Variants in CYFIP1 observed in about 807,000 individuals in gnomAD.
The protein encoded by CYFIP1 is cytoplasmic FMR1-interacting protein 1.
Under a neutral mutation model 163.5 loss-of-function variants are expected in CYFIP1, and 58 were observed. The observed-to-expected ratio is 0.35, with a 90% CI of 0.29 to 0.44. The LOEUF is 0.44. Ranked by LOEUF, CYFIP1 falls within the 20% of genes least tolerant of loss-of-function variation. The pLI, the probability that CYFIP1 is intolerant of heterozygous loss-of-function variation, is 1.00. For synonymous variants in CYFIP1, 663 were observed against 660.7 expected (o/e 1.00, Z -0.05); for missense variants, 1,338 against 1,653.8 (o/e 0.81, Z 3.31).
intron 23 of CYFIP1, among the ~76,000 whole-genome samples, chr15:22,886,826 T>C (rs1377068464): frequency 6.6e-6 from 1 of 152,202 alleles, no homozygotes; most frequent in Non-Finnish European, 1.5e-5. Context: ...TCAGTTCTTT[T>C]CTACTGTTGC....
intron 8 of CYFIP1, 33 bp downstream of exon 8, chr15:22,939,144 AAGGCTGTCCCTCGGC>A (rs1284835942): frequency 6.2e-7 from 1 of 1,610,338 alleles, no homozygotes; most frequent in African/African-American, 1.3e-5. Flanking sequence ...TGACAAGAGT[AAGGCTGTCCCTCGGC>A]AGTGCCACGG....
intron 26 of CYFIP1, among the ~76,000 whole-genome samples, chr15:22,876,753 C>A (rs528589491): frequency 1.7e-4 from 26 of 152,094 alleles, no homozygotes; most frequent in Middle Eastern, 3.4e-3. Flanking sequence ...ATCACTTGAA[C>A]CCAGGAGGTA....
chr15:22,937,002 G>A (rs570507158), intron 9 of CYFIP1, 102 bp downstream of exon 9: 20 of 779,400 alleles, frequency 2.6e-5, no homozygotes, highest in Non-Finnish European at 3.7e-5. Context: ...CCCAGCCCCA[G>A]CGTTTCCTGA....
intron 1 of CYFIP1, among the ~76,000 whole-genome samples, chr15:22,968,902 A>T (rs909094507): frequency 5.3e-5 from 8 of 152,126 alleles, no homozygotes; most frequent in African/African-American, 1.9e-4. Flanking sequence ...TTGGACAGGG[A>T]TTCAAATGTA....
At chr15:22,886,437 A>C (rs114539040) in intron 23 of CYFIP1, among the ~76,000 whole-genome samples, 1 of 152,200 alleles carries the variant, frequency 6.6e-6, no homozygotes, top group Admixed American at 6.5e-5. Context: ...CGAATAATCA[A>C]ATCAAATAAA....
intron 20 of CYFIP1, 137 bp from the exon 21 acceptor site, chr15:22,909,450 C>G: frequency 1.0e-6 from 1 of 983,552 alleles, no homozygotes. Context: ...AGACCCATCT[C>G]CCCACATACA....
intron 13 of CYFIP1, among the ~76,000 whole-genome samples, chr15:22,920,448 C>T (rs1389621729): frequency 6.6e-6 from 1 of 152,126 alleles, no homozygotes; most frequent in Non-Finnish European, 1.5e-5. Context: ...TTATTCACAC[C>T]TTTTGAGTTC....
intron 1 of CYFIP1, among the ~76,000 whole-genome samples, chr15:22,973,967 C>T (rs1377936133): frequency 6.6e-6 from 1 of 152,180 alleles, no homozygotes; most frequent in Admixed American, 6.5e-5. Flanking sequence ...ATCAAAACCA[C>T]AATGAGCTAT....
At chr15:22,885,169 T>C (rs976781104) in intron 23 of CYFIP1, among the ~76,000 whole-genome samples, 3 of 152,164 alleles carry the variant, frequency 2.0e-5, no homozygotes, top group African/African-American at 7.2e-5. Flanking sequence ...CTCCAGAAAA[T>C]GGGTTTTTCT....
chr15:22,914,659 G>T, intron 17 of CYFIP1, 67 bp downstream of exon 17: 1 of 1,490,080 alleles, frequency 6.7e-7, no homozygotes, highest in South Asian at 1.3e-5. Context: ...CGGCCTCTCC[G>T]CCACCTCCTC....
intron 10 of CYFIP1, among the ~76,000 whole-genome samples, chr15:22,933,189 G>C (rs2061594448): frequency 6.6e-6 from 1 of 151,888 alleles, no homozygotes; most frequent in Admixed American, 6.6e-5. Context: ...ACCCAGCACT[G>C]TCCAATAGGA....
chr15:22,893,273 C>T (rs1192987087), intron 22 of CYFIP1, among the ~76,000 whole-genome samples: 4 of 152,294 alleles, frequency 2.6e-5, no homozygotes, highest in African/African-American at 7.2e-5. Context: ...GGCTCTGCTG[C>T]GCTTCCAGAC....
rs1013883779 is a variant in CYFIP1, at chr15:22,868,752, C to G, written c.*1276G>C. On this transcript the variant is annotated 3_prime_UTR_variant, in exon 31 of 31. Transcript: ENST00000617928. The stretch of plus-strand genomic sequence containing the variant: ...AAGGCCTCCGGAAAAGTAGGCGAGG[C>G]CTGCTTTTTATGGCAACTTGGCATC... The G allele has an allele frequency of 2.6e-5, 4 of 152,136 alleles. No homozygotes were observed. Among genetic ancestry groups the G allele is most frequent in the African/African-American group, 9.7e-5 (4 of 41,418 alleles). 9.4% of individuals were successfully genotyped at this position (152,136 alleles called of 1,614,324 possible). A position where few individuals can be genotyped will look rare whatever the true frequency, so the allele number is the denominator to read the frequency against.
At chr15:22,975,441 CAAAAAAAAA>C (rs35556120) in intron 1 of CYFIP1, among the ~76,000 whole-genome samples, 2 of 71,352 alleles carry the variant, frequency 2.8e-5, no homozygotes, top group East Asian at 9.4e-4. Flanking sequence ...GACTCCGTCT[CAAAAAAAAA>C]AAAAAAAAAA....
intron 22 of CYFIP1, among the ~76,000 whole-genome samples, chr15:22,895,353 G>T (rs773276574): frequency 6.6e-6 from 1 of 152,092 alleles, no homozygotes; most frequent in Admixed American, 6.6e-5. Flanking sequence ...GTCTTGCCAC[G>T]TTGGCCAGGC....
chr15:22,887,106 G>A (rs1005214713), intron 23 of CYFIP1, among the ~76,000 whole-genome samples: 1 of 152,070 alleles, frequency 6.6e-6, no homozygotes. Flanking sequence ...TTCAGCCTCC[G>A]CCTGATCTGT....
chr15:22,946,777 T>G, intron 3 of CYFIP1: 1 of 678,890 alleles, frequency 1.5e-6, no homozygotes. Flanking sequence ...CTTGAAACGC[T>G]GACAAAGGTT....
chr15:22,927,961 A>G lies in CYFIP1; in HGVS notation c.1178T>C (p.Leu393Pro). Residue 393 changes from leucine to proline, a missense_variant, in exon 12 of 31, where the codon CTG becomes CCG. Physicochemically the swap from Leu to Pro is moderately conservative, Grantham distance 98. Around this residue, in one of 4 missense-constraint regions of CYFIP1, gnomAD observed 824 missense variants for 995.7 expected, o/e 0.83. Transcript: ENST00000617928. The part of the protein sequence containing the change: ...TDAEYRKLFD[L>P]ALQGLQLLSQ... ...CAACAGCTGCAGGCCCTGCAGCGCC[A>G]GGTCGAAGAGCTTGCGGTACTCCGC... 6.2e-7 allele frequency: 1 copy of G among 1,605,324 alleles called. No homozygotes were observed. The highest frequency in any genetic ancestry group is 2.3e-5 in the East Asian group (1 of 44,160).
At chr15:22,954,481 C>T (rs774551647) in intron 1 of CYFIP1, among the ~76,000 whole-genome samples, 4 of 152,198 alleles carry the variant, frequency 2.6e-5, no homozygotes, top group Non-Finnish European at 5.9e-5. Flanking sequence ...AGAAAGAGCA[C>T]ACTGCTGGGA....
Sources: allele counts gnomAD v4.1 joint callset (sites outside exome capture counted in the v4.1 genomes callset), GRCh38; gene constraint gnomAD v4.1.1; regional missense constraint gnomAD v4.1.1; transcripts MANE v1.5; gene names NCBI Gene and HGNC (gene_info 2026-07-23, HGNC 2026-07-21).